Variants in UBE2E1 observed in about 807,000 individuals in gnomAD.
The protein encoded by UBE2E1 is ubiquitin conjugating enzyme E2 E1, also known as ubiquitin-conjugating enzyme E2 E1.
UBE2E1 carries 6 observed loss-of-function variants against 21.4 expected under a neutral mutation model. The observed-to-expected ratio is 0.28, with a 90% CI of 0.15 to 0.55. The LOEUF is 0.55. UBE2E1 is among the 20% of genes least tolerant of loss of function. The pLI is 0.93. For synonymous variants in UBE2E1, 87 were observed against 82.7 expected, an observed-to-expected ratio of 1.05 and a Z score of -0.28; for missense variants, 142 against 236.5, an observed-to-expected ratio of 0.60 and a Z score of 2.62.
chr3:23,807,845 T>A (rs1699310955), intron 2 of UBE2E1: 1 of 154,366 alleles, frequency 6.5e-6, no homozygotes. Context: ...GCATGGATGA[T>A]CTTTTCTAAA....
chr3:23,845,527 A>G (rs914808160), intron 3 of UBE2E1, among the ~76,000 whole-genome samples: 1 of 150,430 alleles, frequency 6.6e-6, no homozygotes, highest in Non-Finnish European at 1.5e-5. Context: ...AAAAATGGAA[A>G]TTCCTCTTTT....
At chr3:23,882,517 C>T (rs534331070) in intron 3 of UBE2E1, among the ~76,000 whole-genome samples, 30 of 152,364 alleles carry the variant, frequency 2.0e-4, no homozygotes, top group African/African-American at 5.0e-4. Flanking sequence ...CCGCCAGTCC[C>T]GCACTGTGCG....
At chr3:23,846,556 T>G (rs1700208480) in intron 3 of UBE2E1, among the ~76,000 whole-genome samples, 1 of 151,800 alleles carries the variant, frequency 6.6e-6, no homozygotes, top group African/African-American at 2.4e-5. Context: ...TTTATCCGGG[T>G]ATGGTGGCAC....
At chr3:23,879,872 A>G (rs1488263833) in intron 3 of UBE2E1, among the ~76,000 whole-genome samples, 1 of 152,236 alleles carries the variant, frequency 6.6e-6, no homozygotes, top group Non-Finnish European at 1.5e-5. Flanking sequence ...TATCTGAACT[A>G]TGGTTTATGT....
intron 3 of UBE2E1, among the ~76,000 whole-genome samples, chr3:23,822,588 G>A (rs1251910381): frequency 6.6e-6 from 1 of 152,116 alleles, no homozygotes; most frequent in African/African-American, 2.4e-5. Context: ...ATAGTGTCAG[G>A]TTCATGTATT....
rs1007886604 is a variant in UBE2E1, at chr3:23,806,256, G to C, written c.-34+168G>C. ...GGGCTGGGGAGCCCCAGGGGTCCGG[G>C]GCCCGCCCGCGGGGGATGGGCAGGG... On this transcript the variant is annotated intron_variant, in intron 1 of 5. Coordinates refer to ENST00000306627, the MANE Select transcript of UBE2E1 (RefSeq NM_003341.5). The surrounding 1 kb of genome is among the most constrained non-coding windows in gnomAD (Gnocchi z 6.5). Among the ~76,000 whole-genome samples the C allele has an allele frequency of 4.0e-5, 6 of 150,000 alleles. No individual in the cohort carries two copies. Among genetic ancestry groups the C allele is most frequent in the Admixed American group, 4.0e-4 (6 of 15,138 alleles).
At chr3:23,821,489 A>T (rs1699643953) in intron 3 of UBE2E1, among the ~76,000 whole-genome samples, 2 of 152,230 alleles carry the variant, frequency 1.3e-5, no homozygotes, top group Admixed American at 1.3e-4. Flanking sequence ...TCCCTGCTGC[A>T]TGGAAAATAG....
intron 3 of UBE2E1, among the ~76,000 whole-genome samples, chr3:23,827,646 CCTT>C (rs1302930417): frequency 6.6e-6 from 1 of 152,044 alleles, no homozygotes; most frequent in Non-Finnish European, 1.5e-5. Flanking sequence ...GAATTATAGA[CCTT>C]CTTTTGAGTT....
intron 3 of UBE2E1, among the ~76,000 whole-genome samples, chr3:23,845,045 A>T (rs1039031167): frequency 6.6e-6 from 1 of 152,196 alleles, no homozygotes; most frequent in African/African-American, 2.4e-5. Flanking sequence ...ATAAAACCGG[A>T]TTCCTACTTA....
chr3:23,827,367 C>T (rs1699780117), intron 3 of UBE2E1, among the ~76,000 whole-genome samples: 1 of 152,150 alleles, frequency 6.6e-6, no homozygotes, highest in Admixed American at 6.5e-5. Context: ...TTTAGATTTA[C>T]TATACAAATT....
Position 23,890,954 on chromosome 3 carries a change from C to G in UBE2E1, c.*348C>G, listed in dbSNP as rs1315982018. The G allele has an allele frequency of 1.2e-5, 2 of 166,010 alleles. No homozygotes were observed. The highest frequency in any genetic ancestry group is 1.7e-4 in the East Asian group (1 of 6,014). 10.3% of individuals were successfully genotyped at this position (166,010 alleles called of 1,614,324 possible). A position where few individuals can be genotyped will look rare whatever the true frequency, so the allele number is the denominator to read the frequency against. ...ACATATGGCCATTTATGTAAAGTCC[C>G]TCTAAGACTACATACTTTTTGTTTA... On this transcript the variant is annotated 3_prime_UTR_variant, in exon 6 of 6. Transcript: ENST00000306627.
rs1211015137 is a variant in UBE2E1, at chr3:23,810,466, A to T, written c.153-994A>T. ...CCAGTCTATCCCCAGTGTGAGCTAG[A>T]GAGCGGACCATGAAGGAAGTGGGCA... is the stretch of plus-strand genomic sequence containing the variant. On this transcript the variant is annotated intron_variant, in intron 2 of 5. Transcript: ENST00000306627. The surrounding 1 kb of genome is among the most constrained non-coding windows in gnomAD (Gnocchi z 5.8). 1.3e-6 allele frequency: 2 copies of T among 1,535,694 alleles called. No homozygotes were observed. The highest frequency in any genetic ancestry group is 1.4e-5 in the African/African-American group (1 of 73,010).
rs11318221 is a variant in UBE2E1 at position 23,863,054 on chromosome 3, TAA to T, written c.204-24497_204-24496del. Among the ~76,000 whole-genome samples the T allele has an allele frequency of 0.2, 29,502 of 147,376 alleles. 3,380 individuals are homozygous for T. The highest frequency in any genetic ancestry group is 0.3 in the Middle Eastern group (87 of 292). On this transcript the variant is annotated intron_variant, in intron 3 of 5. Coordinates refer to ENST00000306627, the MANE Select transcript of UBE2E1 (RefSeq NM_003341.5). This position sits in a 1 kb window ranked among gnomAD's most constrained non-coding sequence, Gnocchi z 4.3. ...AAGGCTTTAATATTTCTTTGTTTGT[TAA>T]AAAAAAAAAAAAAAACTATTCCCAG...
chr3:23,843,276 G>T (rs1363841337), intron 3 of UBE2E1, among the ~76,000 whole-genome samples: 1 of 152,084 alleles, frequency 6.6e-6, no homozygotes, highest in Admixed American at 6.6e-5. Flanking sequence ...TTGACTGCAG[G>T]ACATACAGTT....
intron 3 of UBE2E1, among the ~76,000 whole-genome samples, chr3:23,839,083 T>G (rs1700030808): frequency 6.6e-6 from 1 of 152,142 alleles, no homozygotes; most frequent in Non-Finnish European, 1.5e-5. Context: ...TTAGTGCTGT[T>G]ATTGTCATAT....
intron 3 of UBE2E1, among the ~76,000 whole-genome samples, chr3:23,856,071 G>T (rs1700429466): frequency 6.6e-6 from 1 of 152,066 alleles, no homozygotes; most frequent in Admixed American, 6.6e-5. Context: ...TCGCTCTGTA[G>T]CCCAGAGTGC....
intron 3 of UBE2E1, among the ~76,000 whole-genome samples, chr3:23,862,157 G>A (rs944929025): frequency 2.6e-5 from 4 of 152,006 alleles, no homozygotes; most frequent in African/African-American, 4.8e-5. Flanking sequence ...TCACACACCT[G>A]CAAGTGGGAC....
intron 3 of UBE2E1, among the ~76,000 whole-genome samples, chr3:23,879,972 A>G (rs1474469229): frequency 6.6e-6 from 1 of 152,258 alleles, no homozygotes; most frequent in African/African-American, 2.4e-5. Context: ...CTGGCCAGGC[A>G]CAGTGGCTCA....
intron 3 of UBE2E1, among the ~76,000 whole-genome samples, chr3:23,828,921 A>C (rs1280315205): frequency 6.6e-6 from 1 of 152,170 alleles, no homozygotes; most frequent in Non-Finnish European, 1.5e-5. Context: ...AATGTCCATC[A>C]ATAAGTAACA....
Sources: allele counts gnomAD v4.1 joint callset (sites outside exome capture counted in the v4.1 genomes callset), GRCh38; gene constraint gnomAD v4.1.1; non-coding constraint Gnocchi (gnomAD v3.1); transcripts MANE v1.5; gene names NCBI Gene and HGNC (gene_info 2026-07-23, HGNC 2026-07-21).